ADGRG4: variants seen among roughly 807,000 people sequenced by gnomAD.
ADGRG4 encodes adhesion G protein-coupled receptor G4.
ADGRG4 carries 122 observed loss-of-function variants against 126.2 expected under a neutral mutation model. The ratio of observed to expected loss-of-function variants is 0.97; its 90% CI spans 0.83 to 1.12. ADGRG4 has a LOEUF of 1.12. Ranked by LOEUF, ADGRG4 falls within the 50% of genes most tolerant of loss-of-function variation. The pLI, the probability that ADGRG4 is intolerant of heterozygous loss-of-function variation, is 0.00. For missense variants in ADGRG4, 2,481 were observed against 2,251.8 expected, an observed-to-expected ratio of 1.10 and a Z score of -2.06; for synonymous variants, 943 against 838.7, an observed-to-expected ratio of 1.12 and a Z score of -2.15.
rs2075371911 is a variant in ADGRG4, at chrX:136,400,040, C to T, written c.8499C>T (p.His2833=). ...CTTGGATGGGCCTGGAGGCAGTCCA[C>T]ATGTATTTGGCTCTAGTCAAAGTCT... ...SFTWMGLEAV[H]MYLALVKVFN... is the part of the protein sequence containing the mutation. Residue 2833 remains histidine (H), a synonymous_variant, in exon 21 of 26, where the codon CAC becomes CAT. Transcript: ENST00000394143. The T allele has an allele frequency of 1.7e-6, 2 of 1,203,203 alleles. No individual in the cohort carries two copies. Among genetic ancestry groups the T allele is most frequent in the Admixed American group, 2.2e-5 (1 of 45,767 alleles).
Position 136,346,897 on chromosome X carries a change from T to C in ADGRG4, c.3191T>C (p.Val1064Ala). The change falls in exon 6 of 26, where the codon GTA becomes GCA. Residue 1064 changes from valine (V) to alanine (A), a missense_variant. Physicochemically the swap from Val to Ala is moderately conservative, Grantham distance 64. Coordinates refer to ENST00000394143, the MANE Select transcript of ADGRG4 (RefSeq NM_153834.4). ...TCAACTACAATGACCACAGCATTGG[T>C]ACCACCTTTGGATCAGACTGCTTCC... ...LSSTTMTTAL[V>A]PPLDQTASTT... 1.7e-6 allele frequency: 2 copies of C among 1,211,019 alleles called. No homozygotes were observed. The highest frequency in any genetic ancestry group is 2.2e-6 in the Non-Finnish European group (2 of 894,802).
rs146628409 is a variant in ADGRG4 at position 136,372,021 on chromosome X, C to T, written c.7613+477C>T. 3.1e-3 allele frequency among the ~76,000 whole-genome samples: 349 copies of T among 111,516 alleles called. 1 individual carries two copies. Among genetic ancestry groups the T allele is most frequent in the African/African-American group, 0.011 (336 of 30,756 alleles). Reference sequence around the variant, plus strand: ...CTCAGTTAGTACAATGCAATGGGGTCACTTTACTAGAATGTTCATTGTGAA... The same window carrying T: ...CTCAGTTAGTACAATGCAATGGGGTTACTTTACTAGAATGTTCATTGTGAA... On this transcript the variant is annotated intron_variant, in intron 14 of 25. Transcript: ENST00000394143.
chrX:136,305,339 A>G (rs1170723504), intron 3 of ADGRG4, among the ~76,000 whole-genome samples: 1 of 111,677 alleles, frequency 9.0e-6, no homozygotes, highest in East Asian at 2.8e-4. Context: ...GGTAGTCAGG[A>G]CACCTTGGTT....
rs763597438 is a variant in ADGRG4 at position 136,345,881 on chromosome X, A to C, written c.2175A>C (p.Thr725=). Residue 725 remains threonine (T), a synonymous_variant, in exon 6 of 26, where the codon ACA becomes ACC. Transcript: ENST00000394143. ...ATGATGCTACTACAGCCAGATATAC[A>C]ACAGCTGTATCCAAATTGACATCAC... is the stretch of plus-strand genomic sequence containing the variant. ...TANDATTARY[T]TAVSKLTSPW... is the part of the protein sequence containing the mutation. The C allele has an allele frequency of 8.3e-6, 10 of 1,209,613 alleles. No homozygotes were observed. The highest frequency in any genetic ancestry group is 3.4e-6 in the Non-Finnish European group (3 of 893,545).
At chrX:136,389,277 A>G (rs1355926846) in intron 16 of ADGRG4, among the ~76,000 whole-genome samples, 1 of 112,290 alleles carries the variant, frequency 8.9e-6, no homozygotes, top group Non-Finnish European at 1.9e-5. Context: ...AATTAAAAAT[A>G]TGCTCCACAA....
intron 23 of ADGRG4, among the ~76,000 whole-genome samples, chrX:136,411,237 A>T (rs1324074021): frequency 8.9e-6 from 1 of 112,005 alleles, no homozygotes; most frequent in Non-Finnish European, 1.9e-5. Flanking sequence ...TTTAATAGAG[A>T]TGGGGTTTCT....
chrX:136,414,530 C>T (rs2075466403), intron 25 of ADGRG4, among the ~76,000 whole-genome samples: 1 of 111,941 alleles, frequency 8.9e-6, no homozygotes, highest in African/African-American at 3.3e-5. Context: ...TGTTTCTGTG[C>T]CTAGTAAATT....
intron 5 of ADGRG4, among the ~76,000 whole-genome samples, chrX:136,329,896 G>A (rs188521158): frequency 4.6e-5 from 5 of 109,075 alleles, no homozygotes; most frequent in East Asian, 5.7e-4. Context: ...TGGTAGAGAC[G>A]GGGTCTTGCT....
At chrX:136,335,803 TA>T (rs1282805382) in intron 5 of ADGRG4, among the ~76,000 whole-genome samples, 2 of 111,627 alleles carry the variant, frequency 1.8e-5, no homozygotes, top group Admixed American at 9.5e-5. Context: ...TTTATTGACT[TA>T]AAAAATCATA....
chrX:136,308,841 C>T lies in ADGRG4; in HGVS notation c.64C>T (p.Leu22Phe). 9.2e-7 allele frequency: 1 copy of T among 1,085,748 alleles called. No individual in the cohort carries two copies. The highest frequency in any genetic ancestry group is 1.3e-6 in the Non-Finnish European group (1 of 781,529). The allele number at this position is 1,085,748 out of a possible 1,213,427, so 89.5% of individuals were successfully genotyped here. A position where few individuals can be genotyped will look rare whatever the true frequency, so the allele number is the denominator to read the frequency against. The change falls in exon 4 of 26, where the codon CTC (leucine) becomes TTC (phenylalanine). Residue 22 changes from leucine to phenylalanine, a missense_variant. Transcript: ENST00000394143. ...GATTCTCATGTCGAGTTTTATCTTTCTCTCAGGTAAGAAAATGTATTCTTA... is the reference window on the plus strand; with the variant it reads ...GATTCTCATGTCGAGTTTTATCTTTTTCTCAGGTAAGAAAATGTATTCTTA... ...GLILMSSFIF[L>F]SDTLSLKGKK...
intron 13 of ADGRG4, among the ~76,000 whole-genome samples, chrX:136,369,558 G>A (rs776187996): frequency 4.5e-5 from 5 of 112,079 alleles, no homozygotes; most frequent in Non-Finnish European, 7.5e-5. Flanking sequence ...CAGGGACTAC[G>A]TGAAAGTGAA....
chrX:136,325,581 G>T (rs998582653), intron 5 of ADGRG4, among the ~76,000 whole-genome samples: 1 of 111,664 alleles, frequency 9.0e-6, no homozygotes, highest in African/African-American at 3.3e-5. Flanking sequence ...GTGCTCAGCA[G>T]TGGTGTTTTA....
Position 136,345,853 on chromosome X carries a change from C to A in ADGRG4, c.2147C>A (p.Ala716Asp), listed in dbSNP as rs977972617. The A allele has an allele frequency of 8.3e-7, 1 of 1,210,924 alleles. No homozygotes were observed. The highest frequency in any genetic ancestry group is 1.1e-6 in the Non-Finnish European group (1 of 894,884). ...TCTCCAGAGGGCAAAGGTACCACTG[C>A]CAATGATGCTACTACAGCCAGATAT... Reference protein sequence around the residue: ...KASPEGKGTTANDATTARYTT... With the variant: ...KASPEGKGTTDNDATTARYTT... The change falls in exon 6 of 26, where the codon GCC becomes GAC. Residue 716 changes from alanine (A) to aspartate (D), a missense_variant. By Grantham distance (126) the Ala-to-Asp change is moderately radical (BLOSUM62 -2). Transcript: ENST00000394143.
intron 3 of ADGRG4, among the ~76,000 whole-genome samples, chrX:136,306,544 C>T (rs2074734357): frequency 9.0e-6 from 1 of 110,530 alleles, no homozygotes; most frequent in African/African-American, 3.3e-5. Context: ...ACCTTCCTCT[C>T]TCTCTCCCTT....
chrX:136,340,224 T>C (rs1210764535), intron 5 of ADGRG4, among the ~76,000 whole-genome samples: 1 of 111,905 alleles, frequency 8.9e-6, no homozygotes, highest in Non-Finnish European at 1.9e-5. Context: ...GCCTACATTA[T>C]ACAAAATGAT....
chrX:136,316,973 A>G (rs1165411762), intron 4 of ADGRG4, among the ~76,000 whole-genome samples: 2 of 111,049 alleles, frequency 1.8e-5, no homozygotes, highest in Non-Finnish European at 3.8e-5. Context: ...CTGCCCACCC[A>G]TTAGCCTCCA....
At chrX:136,335,976 C>G (rs1354874206) in intron 5 of ADGRG4, among the ~76,000 whole-genome samples, 1 of 110,225 alleles carries the variant, frequency 9.1e-6, no homozygotes, top group Non-Finnish European at 1.9e-5. Flanking sequence ...GATATTTCCT[C>G]TTTTTAAATG....
Position 136,344,932 on chromosome X carries a change from C to T in ADGRG4, c.1226C>T (p.Ser409Leu), listed in dbSNP as rs761428219. The change falls in exon 6 of 26, where the codon TCA becomes TTA. Residue 409 changes from serine (S) to leucine (L), a missense_variant. Transcript: ENST00000394143. Reference protein sequence around the residue: ...KTTSLFSTIESTSMSTTPCLK... With the variant: ...KTTSLFSTIELTSMSTTPCLK... ...ACATCTTTATTTTCAACTATTGAGT[C>T]AACATCTATGTCTACAACACCTTGT... 8.3e-7 allele frequency: 1 copy of T among 1,208,720 alleles called. No homozygotes were observed. Among genetic ancestry groups the T allele is most frequent in the Non-Finnish European group, 1.1e-6 (1 of 892,814 alleles).
At chrX:136,311,376 G>A (rs1229175486) in intron 4 of ADGRG4, among the ~76,000 whole-genome samples, 1 of 100,648 alleles carries the variant, frequency 9.9e-6, no homozygotes, top group Non-Finnish European at 2.0e-5. Context: ...GTTGTCCTAA[G>A]GTCTTGCTCA....
Sources: allele counts gnomAD v4.1 joint callset (sites outside exome capture counted in the v4.1 genomes callset), GRCh38; gene constraint gnomAD v4.1.1; transcripts MANE v1.5; gene names NCBI Gene and HGNC (gene_info 2026-07-23, HGNC 2026-07-21).